The following MACF1 variants were observed in gnomAD, a reference collection of about 807,000 sequenced individuals.
MACF1 encodes microtubule-actin cross-linking factor 1.
A neutral mutation model predicts 854.8 loss-of-function variants in MACF1; 193 were observed. The ratio of observed to expected loss-of-function variants is 0.23; its 90% CI spans 0.20 to 0.25. The LOEUF is 0.25. Among genes scored for constraint, MACF1 ranks in the 10% least tolerant of loss-of-function variants. MACF1 has a pLI of 1.00. For synonymous variants in MACF1, 3,185 were observed against 3,226.7 expected, an observed-to-expected ratio of 0.99 and a Z score of 0.44; for missense variants, 7,722 against 8,929.1, an observed-to-expected ratio of 0.86 and a Z score of 5.45.
intron 2 of MACF1, among the ~76,000 whole-genome samples, chr1:39,156,695 TC>T (rs1643694542): frequency 1.3e-5 from 2 of 152,304 alleles, no homozygotes; most frequent in South Asian, 4.1e-4. Context: ...GACTCTGAAA[TC>T]CTGGGATTGA....
At chr1:39,177,445 G>GTTTTCCAGCATC (rs1228423589) in intron 2 of MACF1, among the ~76,000 whole-genome samples, 3 of 152,132 alleles carry the variant, frequency 2.0e-5, no homozygotes, top group African/African-American at 7.2e-5. Flanking sequence ...TATAGAAGGA[G>GTTTTCCAGCATC]TTTTCCAGAT....
intron 1 of MACF1, among the ~76,000 whole-genome samples, chr1:39,212,465 A>G (rs1319486938): frequency 1.3e-5 from 2 of 152,070 alleles, no homozygotes; most frequent in East Asian, 3.9e-4. Context: ...CTTGAGTGCC[A>G]GGGAATTTAG....
At chr1:39,353,390 T>C (rs1647264475) in intron 44 of MACF1, among the ~76,000 whole-genome samples, 159 bp downstream of exon 44, 1 of 152,222 alleles carries the variant, frequency 6.6e-6, no homozygotes, top group Non-Finnish European at 1.5e-5. Flanking sequence ...CCTCTTGAAA[T>C]ACTTTCTCCC....
At chr1:39,134,841 A>G (rs531163695) in intron 2 of MACF1, among the ~76,000 whole-genome samples, 1 of 152,328 alleles carries the variant, frequency 6.6e-6, no homozygotes, top group South Asian at 2.1e-4. Flanking sequence ...TAGTGGCATC[A>G]AGTACATTCA....
At chr1:39,116,678 CTT>C (rs1362704792) in intron 2 of MACF1, among the ~76,000 whole-genome samples, 2 of 152,142 alleles carry the variant, frequency 1.3e-5, no homozygotes, top group Non-Finnish European at 2.9e-5. Flanking sequence ...ATATATGTAA[CTT>C]TTGCATTCCT....
intron 22 of MACF1, among the ~76,000 whole-genome samples, chr1:39,301,841 A>G (rs1422713312): frequency 6.6e-6 from 1 of 152,102 alleles, no homozygotes; most frequent in African/African-American, 2.4e-5. Context: ...TTCTTGAGTA[A>G]TCTGTCTTTA....
intron 2 of MACF1, among the ~76,000 whole-genome samples, chr1:39,102,193 A>AG (rs1553130573): frequency 2.0e-5 from 3 of 148,196 alleles, no homozygotes; most frequent in East Asian, 4.0e-4. Context: ...AAGAAAAAGA[A>AG]AGAGAGAGAG....
chr1:39,401,380 G>A (rs1331627730), intron 58 of MACF1, among the ~76,000 whole-genome samples: 2 of 152,180 alleles, frequency 1.3e-5, no homozygotes, highest in East Asian at 1.9e-4. Flanking sequence ...CTCTGTTACC[G>A]TACAATGGCA....
chr1:39,285,281 T>C lies in MACF1; in HGVS notation c.1260-16T>C. On this transcript the variant is annotated splice_polypyrimidine_tract_variant and intron_variant, in intron 12 of 100. Transcript: ENST00000564288. Reference sequence around the variant, plus strand: ...CTGTGAACCTTGCACATGACTATGGTTTTATCTTATTTCAGGCTGGAATTG... The same window carrying C: ...CTGTGAACCTTGCACATGACTATGGCTTTATCTTATTTCAGGCTGGAATTG... 1 of 1,614,078 alleles carries C rather than the reference T, an allele frequency of 6.2e-7. No individual in the cohort carries two copies. The highest frequency in any genetic ancestry group is 8.5e-7 in the Non-Finnish European group (1 of 1,179,998).
intron 2 of MACF1, among the ~76,000 whole-genome samples, chr1:39,148,918 T>C (rs1643518764): frequency 1.3e-5 from 2 of 152,246 alleles, no homozygotes; most frequent in African/African-American, 4.8e-5. Flanking sequence ...CATTGAGATT[T>C]TTTTCCCCCT....
intron 6 of MACF1, chr1:39,268,668 C>T (rs558669383): frequency 4.4e-5 from 54 of 1,238,520 alleles, no homozygotes; most frequent in Admixed American, 1.4e-4. Context: ...GGCTTAGCTG[C>T]GTTTTTGCTG....
intron 2 of MACF1, among the ~76,000 whole-genome samples, chr1:39,161,366 A>G (rs1164110080): frequency 6.6e-6 from 1 of 152,090 alleles, no homozygotes; most frequent in Non-Finnish European, 1.5e-5. Flanking sequence ...AGCCTTTACT[A>G]AGAAAAATTT....
At chr1:39,337,033 T>C in intron 37 of MACF1, 149 bp from the exon 38 acceptor site, 1 of 674,670 alleles carries the variant, frequency 1.5e-6, no homozygotes, top group Non-Finnish European at 2.4e-6. Context: ...TCTATTGATT[T>C]GAAATGACTT....
intron 2 of MACF1, among the ~76,000 whole-genome samples, chr1:39,198,375 G>A (rs1470844954): frequency 1.3e-5 from 2 of 152,000 alleles, no homozygotes; most frequent in African/African-American, 2.4e-5. Flanking sequence ...TGGGCGTGCC[G>A]GGCGCGGTGG....
At chr1:39,239,646 C>A (rs1644899190) in intron 2 of MACF1, among the ~76,000 whole-genome samples, 1 of 152,088 alleles carries the variant, frequency 6.6e-6, no homozygotes, top group Non-Finnish European at 1.5e-5. Context: ...AAAGTGTATC[C>A]CCCTAAAGAG....
At chr1:39,268,520 GGCAGCGGCTGGA>G in intron 6 of MACF1, 1 of 1,148,394 alleles carries the variant, frequency 8.7e-7, no homozygotes, top group South Asian at 1.8e-5. Context: ...TGTCTGAATC[GGCAGCGGCTGGA>G]AGAGACAGAG....
intron 57 of MACF1, among the ~76,000 whole-genome samples, chr1:39,386,753 C>T (rs921067366): frequency 1.3e-4 from 19 of 151,246 alleles, no homozygotes; most frequent in African/African-American, 3.6e-4. Flanking sequence ...TTAGTAGAGA[C>T]GAGGTCTTGC....
chr1:39,450,118 T>C (rs2148677196), intron 84 of MACF1, among the ~76,000 whole-genome samples: 1 of 152,200 alleles, frequency 6.6e-6, no homozygotes, highest in African/African-American at 2.4e-5. Context: ...TGCCTCGGCG[T>C]CCCAAAGTGC....
chr1:39,462,303 G>A (rs1281508889), intron 93 of MACF1, among the ~76,000 whole-genome samples: 1 of 152,124 alleles, frequency 6.6e-6, no homozygotes, highest in Non-Finnish European at 1.5e-5. Flanking sequence ...ACCTTTGCAG[G>A]GCAGCATACT....
Sources: allele counts gnomAD v4.1 joint callset (sites outside exome capture counted in the v4.1 genomes callset), GRCh38; gene constraint gnomAD v4.1.1; transcripts MANE v1.5; gene names NCBI Gene and HGNC (gene_info 2026-07-23, HGNC 2026-07-21).